The following SGCZ variants were observed in gnomAD, a reference collection of about 807,000 sequenced individuals.
The protein encoded by SGCZ is zeta-sarcoglycan.
In SGCZ, 40 loss-of-function variants were observed where a neutral mutation model predicts 41.3. The observed-to-expected ratio is 0.97, with a 90% CI of 0.75 to 1.26. The LOEUF (loss-of-function observed/expected upper bound fraction) is 1.26, where lower values mean the gene tolerates loss of function less well. Ranked by LOEUF, SGCZ falls within the 50% of genes most tolerant of loss-of-function variation. The pLI, the probability that SGCZ is intolerant of heterozygous loss-of-function variation, is 0.00. For missense variants in SGCZ, 552 were observed against 369.8 expected (o/e 1.49, Z -4.04); for synonymous variants, 206 against 137.5 (o/e 1.50, Z -3.49).
chr8:14,410,400 G>GAAAAAA (rs112663668), intron 2 of SGCZ, among the ~76,000 whole-genome samples: 82 of 145,778 alleles, frequency 5.6e-4, no homozygotes, highest in South Asian at 5.0e-3. Flanking sequence ...AATAATTTAA[G>GAAAAAA]AAAAAAAAAA....
At chr8:15,024,090 T>C (rs1803359392) in intron 1 of SGCZ, among the ~76,000 whole-genome samples, 1 of 152,162 alleles carries the variant, frequency 6.6e-6, no homozygotes, top group Non-Finnish European at 1.5e-5. Context: ...CCAAAGCAAT[T>C]GGTATGTTAT....
chr8:15,202,971 A>G (rs181994923), intron 1 of SGCZ, among the ~76,000 whole-genome samples: 1 of 151,974 alleles, frequency 6.6e-6, no homozygotes, highest in Non-Finnish European at 1.5e-5. Context: ...TTTTCCTGGC[A>G]TTATGGTGGG....
At position 14,675,850 on chromosome 8, in the gene SGCZ, TG is replaced by T. The variant is rs796716015; in HGVS notation, c.40-120925del. Among the ~76,000 whole-genome samples, 15 of 152,318 alleles carry T rather than the reference TG, an allele frequency of 9.8e-5. 1 individual carries two copies. Among genetic ancestry groups the T allele is most frequent in the African/African-American group, 3.6e-4 (15 of 41,578 alleles). On this transcript the variant is annotated intron_variant, in intron 1 of 7. Coordinates refer to ENST00000382080, the MANE Select transcript of SGCZ (RefSeq NM_139167.4). ...GAATTTCCAAACTGCTGTGCAGATT[TG>T]GGGGACCCAAACAAAGCTCATTATT... is the stretch of plus-strand genomic sequence containing the variant.
intron 1 of SGCZ, among the ~76,000 whole-genome samples, chr8:14,802,398 G>T (rs1192505652): frequency 6.6e-6 from 1 of 152,178 alleles, no homozygotes; most frequent in Non-Finnish European, 1.5e-5. Flanking sequence ...GCATTTTGGT[G>T]ACATTACACT....
intron 1 of SGCZ, among the ~76,000 whole-genome samples, chr8:14,974,305 T>G (rs1801395168): frequency 1.3e-5 from 2 of 152,206 alleles, no homozygotes; most frequent in South Asian, 4.1e-4. Context: ...TATGTGATAT[T>G]GAACAATATA....
intron 5 of SGCZ, among the ~76,000 whole-genome samples, chr8:14,115,827 T>G (rs980496690): frequency 3.3e-5 from 5 of 152,010 alleles, no homozygotes; most frequent in African/African-American, 1.2e-4. Context: ...GTAAATTCCT[T>G]AATCCTATCT....
intron 1 of SGCZ, among the ~76,000 whole-genome samples, chr8:14,945,943 G>T (rs373475010): frequency 1.5e-3 from 193 of 130,300 alleles, no homozygotes; most frequent in African/African-American, 4.6e-3. Flanking sequence ...TTGCAGATAG[G>T]CCTCTCATGG....
chr8:14,174,839 C>T (rs927447271), intron 4 of SGCZ, among the ~76,000 whole-genome samples: 4 of 152,086 alleles, frequency 2.6e-5, no homozygotes, highest in African/African-American at 9.7e-5. Context: ...ATAAATGCTT[C>T]CATCTTAAAG....
intron 1 of SGCZ, among the ~76,000 whole-genome samples, chr8:14,903,886 G>A (rs1409613462): frequency 1.3e-5 from 2 of 151,850 alleles, no homozygotes; most frequent in African/African-American, 4.8e-5. Context: ...AGAAATCTAG[G>A]GAAGATTAAC....
At chr8:14,982,085 G>A (rs748283585) in intron 1 of SGCZ, among the ~76,000 whole-genome samples, 11 of 151,496 alleles carry the variant, frequency 7.3e-5, no homozygotes, top group Non-Finnish European at 1.6e-4. Context: ...AGGAGGCGGA[G>A]TTTGCAGTGA....
intron 2 of SGCZ, among the ~76,000 whole-genome samples, chr8:14,389,649 A>G (rs944501075): frequency 1.3e-5 from 2 of 152,022 alleles, no homozygotes; most frequent in Non-Finnish European, 2.9e-5. Context: ...GTAGAAAATT[A>G]GTACTTAAGA....
At chr8:14,988,165 T>C (rs1309253957) in intron 1 of SGCZ, among the ~76,000 whole-genome samples, 1 of 151,874 alleles carries the variant, frequency 6.6e-6, no homozygotes, top group Non-Finnish European at 1.5e-5. Context: ...TTTAGAAAAA[T>C]ACAGTATCTG....
chr8:14,421,152 C>T (rs530493360), intron 2 of SGCZ, among the ~76,000 whole-genome samples: 1 of 152,122 alleles, frequency 6.6e-6, no homozygotes, highest in African/African-American at 2.4e-5. Flanking sequence ...GTCAGAATGC[C>T]TTCGTATGAC....
intron 1 of SGCZ, among the ~76,000 whole-genome samples, chr8:15,103,170 G>A (rs1188440427): frequency 3.3e-5 from 5 of 152,192 alleles, no homozygotes; most frequent in Admixed American, 1.3e-4. Context: ...GGAGGCCAAG[G>A]CAGATGCATC....
At chr8:14,247,057 TC>T (rs1799122736) in intron 3 of SGCZ, among the ~76,000 whole-genome samples, 1 of 152,138 alleles carries the variant, frequency 6.6e-6, no homozygotes, top group South Asian at 2.1e-4. Flanking sequence ...TTACCTGACT[TC>T]CTTGAATTCT....
At chr8:14,656,486 C>CTT (rs548574626) in intron 1 of SGCZ, among the ~76,000 whole-genome samples, 3 of 141,306 alleles carry the variant, frequency 2.1e-5, no homozygotes, top group East Asian at 4.3e-4. Context: ...CTCTTTCTCC[C>CTT]TCTCTTTCCT....
At chr8:14,094,576 A>T (rs370752241) in intron 7 of SGCZ, among the ~76,000 whole-genome samples, 3 of 152,118 alleles carry the variant, frequency 2.0e-5, no homozygotes, top group African/African-American at 7.2e-5. Context: ...TGCTATTGTG[A>T]ACAGTGCCAC....
chr8:14,167,827 G>T (rs1436581591), intron 4 of SGCZ, among the ~76,000 whole-genome samples: 2 of 152,092 alleles, frequency 1.3e-5, no homozygotes, highest in Non-Finnish European at 1.5e-5. Flanking sequence ...AACAGCCAAA[G>T]TCATCTTTGG....
At chr8:15,049,929 C>A (rs1198868677) in intron 1 of SGCZ, among the ~76,000 whole-genome samples, 1 of 152,086 alleles carries the variant, frequency 6.6e-6, no homozygotes, top group African/African-American at 2.4e-5. Context: ...GATTGTGAGT[C>A]CTCCACAGCC....
Sources: allele counts gnomAD v4.1 joint callset (sites outside exome capture counted in the v4.1 genomes callset), GRCh38; gene constraint gnomAD v4.1.1; transcripts MANE v1.5; gene names NCBI Gene and HGNC (gene_info 2026-07-23, HGNC 2026-07-21).